Variants in KDM4C observed in about 807,000 individuals in gnomAD.
The protein encoded by KDM4C is lysine demethylase 4C.
KDM4C carries 81 observed loss-of-function variants against 129.3 expected under a neutral mutation model. That is an observed-to-expected ratio of 0.63 (90% CI 0.52 to 0.75). The LOEUF (loss-of-function observed/expected upper bound fraction) is 0.75, where lower values mean the gene tolerates loss of function less well. KDM4C is among the 30% of genes least tolerant of loss of function. KDM4C has a pLI of 0.00. For missense variants in KDM4C, 1,457 were observed against 1,304.0 expected, an observed-to-expected ratio of 1.12 and a Z score of -1.81; for synonymous variants, 573 against 456.1, an observed-to-expected ratio of 1.26 and a Z score of -3.26.
intron 19 of KDM4C, among the ~76,000 whole-genome samples, chr9:7,141,254 T>C (rs1841712239): frequency 1.3e-5 from 2 of 152,186 alleles, no homozygotes; most frequent in South Asian, 2.1e-4. Context: ...AGAACCCCTT[T>C]CTCATCCCTC....
At chr9:6,773,364 A>G (rs1450001869) in intron 1 of KDM4C, among the ~76,000 whole-genome samples, 1 of 152,200 alleles carries the variant, frequency 6.6e-6, no homozygotes, top group African/African-American at 2.4e-5. Flanking sequence ...CAAATTATTT[A>G]TTTAATGCCA....
At chr9:6,741,848 G>C (rs1007170290) in intron 1 of KDM4C, among the ~76,000 whole-genome samples, 1 of 150,986 alleles carries the variant, frequency 6.6e-6, no homozygotes, top group Non-Finnish European at 1.5e-5. Context: ...GATTATCCAC[G>C]TGAGCCATCA....
At chr9:7,111,875 A>T (rs1052158313) in intron 18 of KDM4C, among the ~76,000 whole-genome samples, 9 of 152,166 alleles carry the variant, frequency 5.9e-5, no homozygotes, top group African/African-American at 2.2e-4. Context: ...TCTTGGCTAA[A>T]CAAGGATCTG....
chr9:7,046,463 G>C (rs1249972642), intron 15 of KDM4C, among the ~76,000 whole-genome samples: 1 of 151,982 alleles, frequency 6.6e-6, no homozygotes, highest in Non-Finnish European at 1.5e-5. Context: ...CTGTATCCAG[G>C]AGTGAATTCC....
chr9:7,046,820 A>G (rs1391675956), intron 15 of KDM4C, 42 bp from the exon 16 acceptor site: 8 of 1,343,284 alleles, frequency 6.0e-6, no homozygotes, highest in Non-Finnish European at 8.6e-6. Context: ...GACTTTTGTT[A>G]TGTGGGTCTG....
At chr9:7,084,882 C>G (rs557345601) in intron 17 of KDM4C, among the ~76,000 whole-genome samples, 74 of 152,262 alleles carry the variant, frequency 4.9e-4, no homozygotes, top group African/African-American at 1.7e-3. Context: ...CCTCATAGAT[C>G]TATGAAGAGA....
chr9:6,926,731 T>C (rs1023177348), intron 8 of KDM4C, among the ~76,000 whole-genome samples: 1 of 152,112 alleles, frequency 6.6e-6, no homozygotes, highest in African/African-American at 2.4e-5. Flanking sequence ...TCCAGCAACA[T>C]TGGGGTGTGT....
At chr9:7,106,284 CTT>C (rs1052213323) in intron 18 of KDM4C, among the ~76,000 whole-genome samples, 3 of 152,206 alleles carry the variant, frequency 2.0e-5, no homozygotes, top group South Asian at 2.1e-4. Context: ...AAATATTTCT[CTT>C]TGTGTAAACT....
chr9:7,145,651 T>G (rs1357542164), intron 19 of KDM4C, among the ~76,000 whole-genome samples: 1 of 152,254 alleles, frequency 6.6e-6, no homozygotes, highest in Non-Finnish European at 1.5e-5. Flanking sequence ...AGCAAGGGCT[T>G]CTTTCTGTGA....
chr9:6,933,309 T>G (rs1053858843), intron 8 of KDM4C, among the ~76,000 whole-genome samples: 1 of 152,218 alleles, frequency 6.6e-6, no homozygotes, highest in Non-Finnish European at 1.5e-5. Flanking sequence ...GGTGACATAT[T>G]ATGCCTAAGG....
At chr9:6,781,585 G>T (rs921223389) in intron 1 of KDM4C, among the ~76,000 whole-genome samples, 4 of 152,078 alleles carry the variant, frequency 2.6e-5, no homozygotes, top group Non-Finnish European at 5.9e-5. Context: ...ATGCTTGGGA[G>T]CCATTTTAAG....
In KDM4C at chr9:6,993,851, G is replaced by T. The variant is rs143003727; in HGVS notation, c.1786+3327G>T. Among the ~76,000 whole-genome samples, 557 of 152,298 alleles carry T rather than the reference G, an allele frequency of 3.7e-3. 4 individuals are homozygous for T. The highest frequency in any genetic ancestry group is 0.013 in the African/African-American group (543 of 41,554). ...TAAAATGCTTCAGTACAGGTTAAAT[G>T]CTCAATTTCTTTGTGTGGCTTTGAA... On this transcript the variant is annotated intron_variant, in intron 12 of 21. Coordinates refer to ENST00000381309, the MANE Select transcript of KDM4C (RefSeq NM_015061.6).
chr9:6,805,521 A>G, intron 2 of KDM4C, 78 bp from the exon 3 acceptor site: 1 of 831,990 alleles, frequency 1.2e-6, no homozygotes. Flanking sequence ...CTTCAGTTGT[A>G]GTTTATCAGA....
chr9:6,748,120 C>G (rs923733723), intron 1 of KDM4C, among the ~76,000 whole-genome samples: 1 of 151,188 alleles, frequency 6.6e-6, no homozygotes, highest in African/African-American at 2.4e-5. Context: ...GAGCAGAGAT[C>G]GCACCACTGC....
chr9:6,833,943 C>T (rs1432223869), intron 4 of KDM4C, among the ~76,000 whole-genome samples: 2 of 151,394 alleles, frequency 1.3e-5, no homozygotes, highest in African/African-American at 2.4e-5. Flanking sequence ...ATGCCTCTGT[C>T]GTTTTTGAGA....
At chr9:6,752,691 C>T (rs1818112503), upstream of KDM4C, among the ~76,000 whole-genome samples, 1 of 151,998 alleles carries the variant, frequency 6.6e-6, no homozygotes, top group Non-Finnish European at 1.5e-5. Flanking sequence ...ACGTAAGCCA[C>T]CGCGCTCAGC....
intron 1 of KDM4C, among the ~76,000 whole-genome samples, chr9:6,778,356 C>T (rs1823551638): frequency 6.6e-6 from 1 of 151,628 alleles, no homozygotes; most frequent in Non-Finnish European, 1.5e-5. Flanking sequence ...TCCCAAAGTC[C>T]TGGGATTATG....
intron 6 of KDM4C, among the ~76,000 whole-genome samples, chr9:6,885,169 C>G (rs905833906): frequency 6.6e-6 from 1 of 152,204 alleles, no homozygotes; most frequent in African/African-American, 2.4e-5. Flanking sequence ...CCTCACACCT[C>G]TTTGTACTTA....
At chr9:6,862,755 C>T (rs113581534) in intron 5 of KDM4C, among the ~76,000 whole-genome samples, 21,584 of 151,986 alleles carry the variant, frequency 0.14, 1,886 homozygotes, top group South Asian at 0.34. Flanking sequence ...TGCAGTGAGC[C>T]GAGATCACGC....
Sources: allele counts gnomAD v4.1 joint callset (sites outside exome capture counted in the v4.1 genomes callset), GRCh38; gene constraint gnomAD v4.1.1; transcripts MANE v1.5; gene names NCBI Gene and HGNC (gene_info 2026-07-23, HGNC 2026-07-21).